The following MGAT4C variants were observed in gnomAD, a reference collection of about 807,000 sequenced individuals.
The protein encoded by MGAT4C is MGAT4 family member C.
MGAT4C carries 19 observed loss-of-function variants against 40.1 expected under a neutral mutation model. The ratio of observed to expected loss-of-function variants is 0.47; its 90% CI spans 0.33 to 0.70. The LOEUF is 0.70. MGAT4C is among the 30% of genes least tolerant of loss of function. The pLI, the probability that MGAT4C is intolerant of heterozygous loss-of-function variation, is 0.02. For missense variants in MGAT4C, 491 were observed against 563.2 expected, an observed-to-expected ratio of 0.87 and a Z score of 1.30; for synonymous variants, 181 against 187.1, an observed-to-expected ratio of 0.97 and a Z score of 0.27.
Position 86,049,738 on chromosome 12 carries a change from G to C in MGAT4C, c.-56-15C>G. On this transcript the variant is annotated splice_polypyrimidine_tract_variant and intron_variant, in intron 1 of 4. Transcript: ENST00000611864. Reference sequence around the variant, plus strand: ...CCGTTGATACCCTGGAAAAAAGAAAGTCTAATATTACTAATACAACCCACT... The same window carrying C: ...CCGTTGATACCCTGGAAAAAAGAAACTCTAATATTACTAATACAACCCACT... The C allele has an allele frequency of 1.0e-6, 1 of 955,956 alleles. No individual in the cohort carries two copies. 59.2% of individuals were successfully genotyped at this position (955,956 alleles called of 1,614,324 possible). A position where few individuals can be genotyped will look rare whatever the true frequency, so the allele number is the denominator to read the frequency against.
At chr12:86,408,902 T>C (rs1956545654) in intron 3 of MGAT4C, among the ~76,000 whole-genome samples, 1 of 152,122 alleles carries the variant, frequency 6.6e-6, no homozygotes, top group South Asian at 2.1e-4. Flanking sequence ...TAGAAATGGT[T>C]CAAGTCTGTC....
At chr12:86,416,342 T>G (rs1451633661) in intron 3 of MGAT4C, among the ~76,000 whole-genome samples, 1 of 152,120 alleles carries the variant, frequency 6.6e-6, no homozygotes, top group Non-Finnish European at 1.5e-5. Context: ...AGTATTTGAT[T>G]TAATTATGAA....
At chr12:86,024,104 T>C (rs1430431692) in intron 2 of MGAT4C, among the ~76,000 whole-genome samples, 1 of 151,862 alleles carries the variant, frequency 6.6e-6, no homozygotes, top group Non-Finnish European at 1.5e-5. Flanking sequence ...TGGATGTTAC[T>C]TTTTTCTTTA....
chr12:86,585,476 T>G (rs1453975609), intron 2 of MGAT4C, among the ~76,000 whole-genome samples: 1 of 151,398 alleles, frequency 6.6e-6, no homozygotes, highest in African/African-American at 2.4e-5. Context: ...TTACATTAAT[T>G]AAAAATGAAA....
At chr12:86,013,117 GAAGT>G (rs1405618736) in intron 2 of MGAT4C, among the ~76,000 whole-genome samples, 1 of 152,202 alleles carries the variant, frequency 6.6e-6, no homozygotes, top group Non-Finnish European at 1.5e-5. Context: ...GGGCAAAAGA[GAAGT>G]AAGACCTTGT....
At chr12:86,119,081 A>C (rs1471701400) in intron 1 of MGAT4C, among the ~76,000 whole-genome samples, 1 of 152,176 alleles carries the variant, frequency 6.6e-6, no homozygotes, top group East Asian at 1.9e-4. Flanking sequence ...AATTTATACA[A>C]TGAAATAATG....
chr12:86,675,907 A>G (rs974526258), intron 2 of MGAT4C, among the ~76,000 whole-genome samples: 6 of 151,998 alleles, frequency 3.9e-5, no homozygotes, highest in African/African-American at 1.2e-4. Flanking sequence ...TAACCAGTCT[A>G]TCAAATTAGG....
chr12:86,715,379 A>C (rs934749017), intron 2 of MGAT4C, among the ~76,000 whole-genome samples: 6 of 152,114 alleles, frequency 3.9e-5, no homozygotes, highest in Non-Finnish European at 1.5e-5. Flanking sequence ...ATGGGTGAGG[A>C]GCATAAGGGA....
intron 2 of MGAT4C, among the ~76,000 whole-genome samples, chr12:86,633,801 T>C (rs1296665719): frequency 2.6e-5 from 4 of 152,142 alleles, no homozygotes; most frequent in Non-Finnish European, 5.9e-5. Flanking sequence ...TTTTTAGCCA[T>C]AATTCTAGGA....
intron 1 of MGAT4C, among the ~76,000 whole-genome samples, chr12:86,220,203 A>C (rs1950828100): frequency 6.6e-6 from 1 of 152,086 alleles, no homozygotes; most frequent in Non-Finnish European, 1.5e-5. Flanking sequence ...TCTCCTCAGA[A>C]GAAGATGACA....
intron 4 of MGAT4C, among the ~76,000 whole-genome samples, chr12:86,311,688 A>G (rs1954078950): frequency 6.6e-6 from 1 of 152,180 alleles, no homozygotes; most frequent in African/African-American, 2.4e-5. Flanking sequence ...TCTTTAAATT[A>G]TTACTAATTT....
At chr12:86,802,283 T>C (rs551327562) in intron 1 of MGAT4C, among the ~76,000 whole-genome samples, 2 of 152,102 alleles carry the variant, frequency 1.3e-5, no homozygotes, top group African/African-American at 4.8e-5. Flanking sequence ...ATTTGATTCA[T>C]TTAATTCAGT....
At chr12:86,759,091 T>C (rs576218735) in intron 1 of MGAT4C, among the ~76,000 whole-genome samples, 1 of 152,222 alleles carries the variant, frequency 6.6e-6, no homozygotes, top group Admixed American at 6.5e-5. Context: ...TGCCTACTTC[T>C]ATGAGAACAA....
chr12:86,346,164 A>G (rs543998864), intron 3 of MGAT4C, among the ~76,000 whole-genome samples: 1 of 152,302 alleles, frequency 6.6e-6, no homozygotes, highest in African/African-American at 2.4e-5. Flanking sequence ...GCATCAGAAG[A>G]AGGCCACCTA....
At chr12:86,369,103 A>C (rs535627773) in intron 3 of MGAT4C, among the ~76,000 whole-genome samples, 1 of 151,868 alleles carries the variant, frequency 6.6e-6, no homozygotes, top group Non-Finnish European at 1.5e-5. Context: ...TGCCATTTTT[A>C]TTATTATGTA....
intron 2 of MGAT4C, among the ~76,000 whole-genome samples, chr12:86,468,208 C>G (rs180925235): frequency 3.9e-5 from 6 of 152,270 alleles, no homozygotes; most frequent in African/African-American, 1.4e-4. Context: ...ACACAACCAT[C>G]CCCATGTTCA....
chr12:86,395,652 G>C (rs1400500068), intron 3 of MGAT4C, among the ~76,000 whole-genome samples: 4 of 152,190 alleles, frequency 2.6e-5, no homozygotes, highest in African/African-American at 9.7e-5. Context: ...TTTTAAAAGT[G>C]CAGTGGCCTT....
chr12:86,617,878 T>A (rs1252113489), intron 2 of MGAT4C, among the ~76,000 whole-genome samples: 1 of 151,880 alleles, frequency 6.6e-6, no homozygotes, highest in Non-Finnish European at 1.5e-5. Flanking sequence ...AATGAAACAA[T>A]CGACAATGTG....
At chr12:86,460,185 T>C (rs370812983) in intron 2 of MGAT4C, among the ~76,000 whole-genome samples, 6 of 152,184 alleles carry the variant, frequency 3.9e-5, no homozygotes, top group African/African-American at 1.2e-4. Flanking sequence ...CCATCTCTAA[T>C]GAAAACCTCA....
Sources: gnomAD v4.1 joint callset for allele counts (sites outside exome capture counted in the v4.1 genomes callset) on GRCh38, gnomAD v4.1.1 for gene constraint, MANE v1.5 for transcripts, NCBI Gene and HGNC (gene_info 2026-07-23, HGNC 2026-07-21) for gene names.